The following ACTR3 variants were observed in gnomAD, a reference collection of about 807,000 sequenced individuals.
The protein encoded by ACTR3 is actin-related protein 3.
A neutral mutation model predicts 56.8 loss-of-function variants in ACTR3; 12 were observed. The observed-to-expected ratio is 0.21, with a 90% CI of 0.14 to 0.34. ACTR3 has a LOEUF of 0.34. Among genes scored for constraint, ACTR3 ranks in the 10% least tolerant of loss-of-function variants. The probability of loss-of-function intolerance (pLI) is 1.00; values close to 1 mark genes in which losing one functional copy is unlikely to be tolerated. For synonymous variants in ACTR3, 162 were observed against 167.4 expected (o/e 0.97, Z 0.25); for missense variants, 282 against 512.5 (o/e 0.55, Z 4.34).
chr2:113,929,510 T>A (rs1288875456), intron 4 of ACTR3, among the ~76,000 whole-genome samples: 2 of 152,174 alleles, frequency 1.3e-5, no homozygotes, highest in Admixed American at 6.5e-5. Flanking sequence ...TGTTTTCATT[T>A]CTCTTGTCTA....
At chr2:113,923,316 ATATTTGTT>A (rs1679545329) in intron 3 of ACTR3, among the ~76,000 whole-genome samples, 1 of 117,114 alleles carries the variant, frequency 8.5e-6, no homozygotes, top group Non-Finnish European at 1.9e-5. Context: ...CTAACATGGA[ATATTTGTT>A]TGTTTGTTTG....
intron 1 of ACTR3, among the ~76,000 whole-genome samples, chr2:113,898,013 G>A (rs918257079): frequency 6.6e-6 from 1 of 152,146 alleles, no homozygotes; most frequent in Non-Finnish European, 1.5e-5. Flanking sequence ...GTAAAGGAGA[G>A]GTTACAATGA....
chr2:113,936,685 G>A (rs1413138469), intron 6 of ACTR3, among the ~76,000 whole-genome samples: 4 of 152,076 alleles, frequency 2.6e-5, no homozygotes. Flanking sequence ...TAGAACTACC[G>A]TAATAAAGTA....
chr2:113,918,451 A>G (rs1430223789), intron 3 of ACTR3, among the ~76,000 whole-genome samples: 2 of 150,984 alleles, frequency 1.3e-5, no homozygotes, highest in East Asian at 1.9e-4. Context: ...TGGCATGAAC[A>G]TGACTCACTG....
intron 3 of ACTR3, among the ~76,000 whole-genome samples, chr2:113,926,577 T>A (rs1679623842): frequency 6.6e-6 from 1 of 152,170 alleles, no homozygotes; most frequent in Non-Finnish European, 1.5e-5. Context: ...TGCTGCTTCA[T>A]AACATGTTGG....
intron 5 of ACTR3, among the ~76,000 whole-genome samples, chr2:113,932,898 A>G (rs889679083): frequency 1.3e-5 from 2 of 152,156 alleles, no homozygotes; most frequent in Non-Finnish European, 2.9e-5. Context: ...GGTGACCTAG[A>G]TAGCTTTCTA....
At chr2:113,916,734 T>A (rs1679411544) in intron 2 of ACTR3, 150 bp from the exon 3 acceptor site, 1 of 569,810 alleles carries the variant, frequency 1.8e-6, no homozygotes, top group Non-Finnish European at 2.7e-6. Flanking sequence ...TTGTCACTGG[T>A]TTCTTATGAC....
intron 2 of ACTR3, among the ~76,000 whole-genome samples, 177 bp from the exon 3 acceptor site, chr2:113,916,707 G>A (rs1473279250): frequency 1.3e-5 from 2 of 152,078 alleles, no homozygotes; most frequent in Non-Finnish European, 2.9e-5. Flanking sequence ...TTGAGGTTTC[G>A]TTGTGTGAAA....
At chr2:113,932,754 C>G (rs913563053) in intron 5 of ACTR3, among the ~76,000 whole-genome samples, 1 of 152,006 alleles carries the variant, frequency 6.6e-6, no homozygotes, top group Non-Finnish European at 1.5e-5. Flanking sequence ...GAAGTCTAAA[C>G]AGTATATATA....
chr2:113,944,578 C>T (rs1321857042), intron 8 of ACTR3, among the ~76,000 whole-genome samples: 2 of 109,816 alleles, frequency 1.8e-5, no homozygotes, highest in Non-Finnish European at 3.6e-5. Context: ...GAAACCCCGT[C>T]TCTACTAAAA....
chr2:113,950,618 C>G (rs2104628029), intron 8 of ACTR3, among the ~76,000 whole-genome samples: 1 of 152,170 alleles, frequency 6.6e-6, no homozygotes, highest in Non-Finnish European at 1.5e-5. Flanking sequence ...TATTTCATCC[C>G]CTATTGATGG....
At chr2:113,911,273 C>T (rs959078782) in intron 1 of ACTR3, among the ~76,000 whole-genome samples, 1 of 149,870 alleles carries the variant, frequency 6.7e-6, no homozygotes, top group Non-Finnish European at 1.5e-5. Context: ...GTATACATTA[C>T]AAGGAAATTT....
intron 11 of ACTR3, among the ~76,000 whole-genome samples, chr2:113,957,034 A>G (rs186776069): frequency 1.3e-5 from 2 of 152,372 alleles, no homozygotes; most frequent in Admixed American, 1.3e-4. Context: ...TTATTGGTGC[A>G]ATGAAAGTAT....
At position 113,961,614 on chromosome 2, in the gene ACTR3, A is replaced by C. The variant is rs963823142; in HGVS notation, c.*4159A>C. 6.6e-6 allele frequency: 1 copy of C among 151,924 alleles called. No homozygotes were observed. The highest frequency in any genetic ancestry group is 6.6e-5 in the Admixed American group (1 of 15,220). 9.4% of individuals were successfully genotyped at this position (151,924 alleles called of 1,614,324 possible). ...CTTATATTACCTATATATTGCATCAAGTTTTGAGCCTTCAATCCCAGAAGC... is the reference window on the plus strand; with the variant it reads ...CTTATATTACCTATATATTGCATCACGTTTTGAGCCTTCAATCCCAGAAGC... On this transcript the variant is annotated 3_prime_UTR_variant, in exon 12 of 12. Transcript: ENST00000263238.
intron 4 of ACTR3, among the ~76,000 whole-genome samples, chr2:113,928,408 C>T (rs1243565833): frequency 1.3e-5 from 2 of 152,186 alleles, no homozygotes; most frequent in African/African-American, 2.4e-5. Flanking sequence ...TACTTTAGCA[C>T]GTATTTCATC....
At chr2:113,919,253 A>C (rs1679463436) in intron 3 of ACTR3, among the ~76,000 whole-genome samples, 1 of 152,080 alleles carries the variant, frequency 6.6e-6, no homozygotes, top group South Asian at 2.1e-4. Flanking sequence ...TTCTTTGATT[A>C]TTTACTATAT....
At chr2:113,922,222 G>A (rs1029970811) in intron 3 of ACTR3, among the ~76,000 whole-genome samples, 4 of 152,052 alleles carry the variant, frequency 2.6e-5, no homozygotes, top group African/African-American at 9.7e-5. Flanking sequence ...ACATTTCAAC[G>A]TTAAGATGGA....
At chr2:113,945,043 G>A (rs961788775) in intron 8 of ACTR3, among the ~76,000 whole-genome samples, 2 of 152,182 alleles carry the variant, frequency 1.3e-5, no homozygotes, top group Non-Finnish European at 2.9e-5. Context: ...GGGATAGTGA[G>A]GGTACAGGTA....
intron 3 of ACTR3, among the ~76,000 whole-genome samples, chr2:113,924,257 T>G (rs1342333423): frequency 1.3e-5 from 2 of 151,714 alleles, no homozygotes; most frequent in Non-Finnish European, 1.5e-5. Flanking sequence ...TTTTTTTTTT[T>G]GTAGAGACAG....
Sources: gnomAD v4.1 joint callset for allele counts (sites outside exome capture counted in the v4.1 genomes callset) on GRCh38, gnomAD v4.1.1 for gene constraint, MANE v1.5 for transcripts, NCBI Gene and HGNC (gene_info 2026-07-23, HGNC 2026-07-21) for gene names.